LIPA: variants seen among roughly 807,000 people sequenced by gnomAD.
The protein encoded by LIPA is lysosomal acid lipase/cholesteryl ester hydrolase.
Under a neutral mutation model 40.6 loss-of-function variants are expected in LIPA, and 26 were observed. That is an observed-to-expected ratio of 0.64 (90% CI 0.47 to 0.89). The LOEUF (loss-of-function observed/expected upper bound fraction) is 0.89, where lower values mean the gene tolerates loss of function less well. LIPA is among the 40% of genes least tolerant of loss of function. The probability of loss-of-function intolerance (pLI) is 0.00; values close to 1 mark genes in which losing one functional copy is unlikely to be tolerated. For missense variants in LIPA, 455 were observed against 479.6 expected, an observed-to-expected ratio of 0.95 and a Z score of 0.48; for synonymous variants, 188 against 168.4, an observed-to-expected ratio of 1.12 and a Z score of -0.90.
intron 2 of LIPA, among the ~76,000 whole-genome samples, chr10:89,397,954 G>A (rs565027997): frequency 6.6e-6 from 1 of 152,226 alleles, no homozygotes; most frequent in East Asian, 1.9e-4. Context: ...ATTTTTAAGT[G>A]TACAGTTCTA....
In LIPA at chr10:89,338,869, G is replaced by C; in HGVS notation, c.-2+3742C>G. On this transcript the variant is annotated intron_variant, in intron 1 of 5. Coordinates refer to the LIPA transcript ENST00000282673. ...AGATGGTAACAACGAGGCAGCCCTG[G>C]AATGCTTACGGCAAGCTGAAGAGTT... 1.9e-6 allele frequency: 3 copies of C among 1,614,158 alleles called. No individual in the cohort carries two copies. The South Asian group carries it at 3.3e-5, about 18-fold the overall frequency.
chr10:89,351,799 C>T (rs1011528495), intron 2 of LIPA, among the ~76,000 whole-genome samples: 1 of 152,122 alleles, frequency 6.6e-6, no homozygotes, highest in East Asian at 1.9e-4. Context: ...AAAAAATACG[C>T]GCATCACCCT....
intron 2 of LIPA, among the ~76,000 whole-genome samples, chr10:89,349,533 G>A (rs962743725): frequency 1.8e-4 from 27 of 152,064 alleles, no homozygotes; most frequent in African/African-American, 6.5e-4. Flanking sequence ...ACCTTACTAA[G>A]GTGTGTGTGT....
chr10:89,244,921 T>A (rs941869346), intron 3 of LIPA, among the ~76,000 whole-genome samples: 1 of 152,204 alleles, frequency 6.6e-6, no homozygotes, highest in Admixed American at 6.5e-5. Flanking sequence ...CTTCTGGACA[T>A]GTATCATGTA....
At chr10:89,414,657 G>C (rs1030911160), upstream of LIPA, 3 of 837,226 alleles carry the variant, frequency 3.6e-6, no homozygotes, top group Non-Finnish European at 5.1e-6. Flanking sequence ...CACGCCGCGC[G>C]GCCGAGTCCA....
chr10:89,265,771 TCA>T (rs1262047119), intron 1 of LIPA, among the ~76,000 whole-genome samples: 1 of 152,216 alleles, frequency 6.6e-6, no homozygotes, highest in Non-Finnish European at 1.5e-5. Flanking sequence ...TTTGCTGTGT[TCA>T]GACTTGTAAA....
intron 2 of LIPA, among the ~76,000 whole-genome samples, chr10:89,390,210 T>C (rs1844236518): frequency 6.6e-6 from 1 of 152,032 alleles, no homozygotes; most frequent in South Asian, 2.1e-4. Flanking sequence ...GGTCTCGAAC[T>C]CCCAACCTCA....
chr10:89,306,002 C>A, intron 1 of LIPA: 1 of 1,613,922 alleles, frequency 6.2e-7, no homozygotes, highest in South Asian at 1.1e-5. Flanking sequence ...CCTACGGCAA[C>A]TAAAATGCCA....
At chr10:89,390,474 A>C (rs1564805993) in intron 2 of LIPA, among the ~76,000 whole-genome samples, 1 of 152,204 alleles carries the variant, frequency 6.6e-6, no homozygotes, top group African/African-American at 2.4e-5. Context: ...ATAGAGGTGA[A>C]GCAGTTTATC....
intron 8 of LIPA, among the ~76,000 whole-genome samples, chr10:89,220,638 C>T (rs759158627): frequency 1.5e-4 from 23 of 152,108 alleles, no homozygotes; most frequent in Non-Finnish European, 2.9e-4. Flanking sequence ...AAACTCTGCC[C>T]CTGAGGAACT....
chr10:89,267,736 AAAAAAAG>A (rs1843245212), intron 1 of LIPA, among the ~76,000 whole-genome samples: 1 of 149,038 alleles, frequency 6.7e-6, no homozygotes, highest in South Asian at 2.1e-4. Context: ...TAATAAAAAA[AAAAAAAG>A]AAACTTAAAA....
intron 1 of LIPA, among the ~76,000 whole-genome samples, chr10:89,272,335 G>A (rs1843269731): frequency 6.6e-6 from 1 of 151,784 alleles, no homozygotes; most frequent in Admixed American, 6.6e-5. Flanking sequence ...TCTTATAAGT[G>A]AGAACATGCG....
At chr10:89,258,852 T>A (rs550679379) in intron 1 of LIPA, among the ~76,000 whole-genome samples, 4 of 152,366 alleles carry the variant, frequency 2.6e-5, no homozygotes, top group Admixed American at 2.6e-4. Flanking sequence ...GATATGTTCA[T>A]ACAATGGAAT....
At chr10:89,299,546 C>T (rs1242152605) in intron 1 of LIPA, among the ~76,000 whole-genome samples, 3 of 152,034 alleles carry the variant, frequency 2.0e-5, no homozygotes, top group Non-Finnish European at 2.9e-5. Context: ...TTCTCCATGG[C>T]GCATTATAGT....
Position 89,245,665 on chromosome 10 carries a change from C to T in LIPA, c.229+11G>A. 7.4e-7 allele frequency: 1 copy of T among 1,356,468 alleles called. No homozygotes were observed. Among genetic ancestry groups the T allele is most frequent in the Non-Finnish European group, 1.1e-6 (1 of 945,558 alleles). The allele number at this position is 1,356,468 out of a possible 1,614,324, so 84.0% of individuals were successfully genotyped here. Reference sequence around the variant, plus strand: ...GAATTCTGGTTTTTACTTTTAAGAGCCTTCCCATACCTTTGTCAGAATGGT... The same window carrying T: ...GAATTCTGGTTTTTACTTTTAAGAGTCTTCCCATACCTTTGTCAGAATGGT... On this transcript the variant is annotated intron_variant, in intron 3 of 9. Coordinates refer to ENST00000336233, the MANE Select transcript of LIPA (RefSeq NM_000235.4).
At chr10:89,261,120 A>G (rs1437431833) in intron 1 of LIPA, among the ~76,000 whole-genome samples, 1 of 152,260 alleles carries the variant, frequency 6.6e-6, no homozygotes, top group Non-Finnish European at 1.5e-5. Context: ...CTGAGGACAC[A>G]GAAATGACTA....
intron 1 of LIPA, chr10:89,338,597 A>T: frequency 6.9e-7 from 1 of 1,446,422 alleles, no homozygotes; most frequent in Non-Finnish European, 9.4e-7. Flanking sequence ...ATATAAAATT[A>T]ATGATCACAG....
intron 5 of LIPA, among the ~76,000 whole-genome samples, chr10:89,225,687 T>G (rs963438938): frequency 6.6e-6 from 1 of 152,176 alleles, no homozygotes; most frequent in African/African-American, 2.4e-5. Flanking sequence ...TTAAAATATA[T>G]TTTAACCCTT....
chr10:89,226,778 G>T lies in LIPA; in HGVS notation c.538+117C>A, dbSNP rs1842774931. ...CTTATCTTATTCATTATTTCTGTTT[G>T]GCATTTAAAAATAAATGGAATTTGA... On this transcript the variant is annotated intron_variant, in intron 5 of 9. Transcript: ENST00000336233. 1.8e-5 allele frequency: 12 copies of T among 683,962 alleles called. 2 individuals are homozygous for T. The South Asian group carries it at 2.0e-4, about 11-fold the overall frequency. 42.4% of individuals were successfully genotyped at this position (683,962 alleles called of 1,614,324 possible). A position where few individuals can be genotyped will look rare whatever the true frequency, so the allele number is the denominator to read the frequency against.
Sources: allele counts gnomAD v4.1 joint callset (sites outside exome capture counted in the v4.1 genomes callset), GRCh38; gene constraint gnomAD v4.1.1; transcripts MANE v1.5; gene names NCBI Gene and HGNC (gene_info 2026-07-23, HGNC 2026-07-21).